The following TMEFF2 variants were observed in gnomAD, a reference collection of about 807,000 sequenced individuals.
The protein encoded by TMEFF2 is tomoregulin-2.
Under a neutral mutation model 53.8 loss-of-function variants are expected in TMEFF2, and 28 were observed. The observed-to-expected ratio is 0.52, with a 90% CI of 0.39 to 0.71. TMEFF2 has a LOEUF of 0.71. TMEFF2 is among the 30% of genes least tolerant of loss of function. The pLI is 0.00. For synonymous variants in TMEFF2, 162 were observed against 166.3 expected (o/e 0.97, Z 0.20); for missense variants, 353 against 455.2 (o/e 0.78, Z 2.04).
intron 4 of TMEFF2, among the ~76,000 whole-genome samples, chr2:192,164,088 G>A (rs1213835756): frequency 6.6e-6 from 1 of 152,090 alleles, no homozygotes; most frequent in Non-Finnish European, 1.5e-5. Context: ...TCTCCACACA[G>A]ATGCCAGAGC....
At chr2:191,988,139 CCTAT>C (rs1686022698) in intron 7 of TMEFF2, among the ~76,000 whole-genome samples, 2 of 152,140 alleles carry the variant, frequency 1.3e-5, no homozygotes, top group African/African-American at 4.8e-5. Flanking sequence ...TTAATAGTTG[CCTAT>C]CACTGTTGAT....
chr2:192,115,171 C>T (rs1689372981), intron 4 of TMEFF2, among the ~76,000 whole-genome samples: 1 of 151,960 alleles, frequency 6.6e-6, no homozygotes, highest in Non-Finnish European at 1.5e-5. Context: ...CATCATATTA[C>T]CTGACTTCAA....
At chr2:192,150,983 C>T (rs1443507695) in intron 4 of TMEFF2, among the ~76,000 whole-genome samples, 1 of 151,756 alleles carries the variant, frequency 6.6e-6, no homozygotes, top group Non-Finnish European at 1.5e-5. Context: ...CTATAATCCC[C>T]ATGTGTCGAG....
intron 4 of TMEFF2, among the ~76,000 whole-genome samples, chr2:192,162,348 G>A (rs1161292060): frequency 6.6e-6 from 1 of 152,082 alleles, no homozygotes; most frequent in African/African-American, 2.4e-5. Context: ...CAGGAAAAAA[G>A]TCTTTTAATA....
At chr2:192,055,125 C>T (rs1209937425) in intron 5 of TMEFF2, among the ~76,000 whole-genome samples, 2 of 152,108 alleles carry the variant, frequency 1.3e-5, no homozygotes, top group Non-Finnish European at 1.5e-5. Flanking sequence ...AAAAATGATG[C>T]TGAAATACAG....
intron 4 of TMEFF2, chr2:192,176,862 T>C (rs1691057529): frequency 6.6e-6 from 1 of 151,154 alleles, no homozygotes; most frequent in South Asian, 2.1e-4. Flanking sequence ...TAATATTTGA[T>C]ATATTTTTAC....
chr2:192,113,780 A>G (rs895141386), intron 4 of TMEFF2, among the ~76,000 whole-genome samples: 15 of 152,166 alleles, frequency 9.9e-5, no homozygotes, highest in Non-Finnish European at 5.9e-5. Flanking sequence ...AGTAGCTAAC[A>G]GTTGCTGGGT....
chr2:192,056,364 A>T (rs1447745731), intron 5 of TMEFF2, among the ~76,000 whole-genome samples: 1 of 151,768 alleles, frequency 6.6e-6, no homozygotes. Context: ...AGGGAGGGAA[A>T]GGAGGAGGAG....
At position 192,095,085 on chromosome 2, in the gene TMEFF2, C is replaced by T. The variant is rs543859910; in HGVS notation, c.440-37310G>A. On this transcript the variant is annotated intron_variant, in intron 4 of 9. Transcript: ENST00000272771. ...CTAGCAACAGAAATGGATGTATTCT[C>T]CTCTAGAACCCAATGACTAGTTTTT... is the stretch of plus-strand genomic sequence containing the variant. Among the ~76,000 whole-genome samples, 33 of 152,302 alleles carry T rather than the reference C, an allele frequency of 2.2e-4. No homozygotes were observed. In the South Asian group the frequency reaches 6.8e-3, roughly 32 times the overall value.
chr2:191,999,517 T>C (rs1020354761), intron 5 of TMEFF2, among the ~76,000 whole-genome samples: 3 of 152,068 alleles, frequency 2.0e-5, no homozygotes, highest in Non-Finnish European at 4.4e-5. Flanking sequence ...ATCTGCAGAA[T>C]ATGAATAGGC....
chr2:192,010,857 T>C (rs999976221), intron 5 of TMEFF2, among the ~76,000 whole-genome samples: 6 of 151,928 alleles, frequency 3.9e-5, no homozygotes, highest in African/African-American at 1.5e-4. Context: ...GGAAAAGGAG[T>C]AGAATTTCAG....
chr2:192,136,447 A>AT (rs1162544659), intron 4 of TMEFF2, among the ~76,000 whole-genome samples: 1 of 152,122 alleles, frequency 6.6e-6, no homozygotes, highest in African/African-American at 2.4e-5. Context: ...ACATGGTATC[A>AT]TTTTTTTATA....
chr2:192,027,501 G>A (rs1003544237), intron 5 of TMEFF2, among the ~76,000 whole-genome samples: 5 of 152,150 alleles, frequency 3.3e-5, no homozygotes, highest in African/African-American at 1.2e-4. Context: ...AAAAGAACAA[G>A]TCAAAACAGA....
chr2:192,069,785 G>A (rs1289288113), intron 4 of TMEFF2, among the ~76,000 whole-genome samples: 1 of 151,510 alleles, frequency 6.6e-6, no homozygotes, highest in Admixed American at 6.6e-5. Context: ...AATTAACAAT[G>A]CTCTATTTAG....
At chr2:192,182,663 G>A (rs1375905658) in intron 3 of TMEFF2, among the ~76,000 whole-genome samples, 8 of 151,894 alleles carry the variant, frequency 5.3e-5, no homozygotes, top group Non-Finnish European at 1.0e-4. Flanking sequence ...CTTCTGGTCT[G>A]TTTATTATAA....
intron 4 of TMEFF2, among the ~76,000 whole-genome samples, chr2:192,083,918 C>A (rs1688609586): frequency 1.3e-5 from 2 of 151,930 alleles, no homozygotes; most frequent in African/African-American, 4.8e-5. Flanking sequence ...GAAATTCATT[C>A]AGAGCTTTTT....
chr2:192,164,978 C>CTGTGTGTG (rs71033662), intron 4 of TMEFF2, among the ~76,000 whole-genome samples: 1,524 of 145,178 alleles, frequency 0.01, 26 homozygotes, highest in African/African-American at 0.035. Flanking sequence ...TGAATAAAAA[C>CTGTGTGTG]TGTGTGTGTG....
chr2:191,961,367 A>G (rs932187103), intron 7 of TMEFF2, among the ~76,000 whole-genome samples: 14 of 152,178 alleles, frequency 9.2e-5, no homozygotes, highest in African/African-American at 3.4e-4. Flanking sequence ...AAAATGTGTC[A>G]TACTTCTATA....
chr2:191,964,333 C>CTTCTTTCTTTCTTTCT (rs368928481), intron 7 of TMEFF2, among the ~76,000 whole-genome samples: 60 of 71,486 alleles, frequency 8.4e-4, no homozygotes, highest in African/African-American at 1.2e-3. Context: ...CCTTTCTTTC[C>CTTCTTTCTTTCTTTCT]TTCTTTCTTT....
Sources: gnomAD v4.1 joint callset for allele counts (sites outside exome capture counted in the v4.1 genomes callset) on GRCh38, gnomAD v4.1.1 for gene constraint, MANE v1.5 for transcripts, NCBI Gene and HGNC (gene_info 2026-07-23, HGNC 2026-07-21) for gene names.